MYEF2: variants seen among roughly 807,000 people sequenced by gnomAD.
The protein encoded by MYEF2 is myelin gene expression factor 2.
In MYEF2, 37 loss-of-function variants were observed where a neutral mutation model predicts 75.2. That is an observed-to-expected ratio of 0.49 (90% CI 0.38 to 0.65). The LOEUF (loss-of-function observed/expected upper bound fraction) is 0.65. Among genes scored for constraint, MYEF2 ranks in the 30% least tolerant of loss-of-function variants. The pLI, the probability that MYEF2 is intolerant of heterozygous loss-of-function variation, is 0.00. For synonymous variants in MYEF2, 195 were observed against 241.6 expected, an observed-to-expected ratio of 0.81 and a Z score of 1.79; for missense variants, 634 against 771.4, an observed-to-expected ratio of 0.82 and a Z score of 2.11.
intron 16 of MYEF2, among the ~76,000 whole-genome samples, chr15:48,145,734 G>A (rs983721328): frequency 1.3e-4 from 20 of 151,734 alleles, no homozygotes; most frequent in Admixed American, 9.2e-4. Context: ...ACACAACCAC[G>A]GATGAAAACA....
chr15:48,171,110 G>A (rs888687561), intron 1 of MYEF2, among the ~76,000 whole-genome samples: 1 of 152,204 alleles, frequency 6.6e-6, no homozygotes, highest in Non-Finnish European at 1.5e-5. Flanking sequence ...GCAGCAAGCA[G>A]CCAAAAGGCA....
intron 5 of MYEF2, among the ~76,000 whole-genome samples, chr15:48,165,237 C>A (rs1162398573): frequency 6.6e-6 from 1 of 152,090 alleles, no homozygotes; most frequent in Non-Finnish European, 1.5e-5. Context: ...AGTATATGTA[C>A]ATAACAGGTC....
Position 48,158,820 on chromosome 15 carries a change from C to T in MYEF2, c.820G>A (p.Gly274Arg), listed in dbSNP as rs2039812770. 4 of 1,613,754 alleles carry T rather than the reference C, an allele frequency of 2.5e-6. No homozygotes were observed. The highest frequency in any genetic ancestry group is 2.2e-5 in the South Asian group (2 of 91,068). The change falls in exon 7 of 17, where the codon GGA becomes AGA. Residue 274 changes from glycine to arginine, a missense_variant. Transcript: ENST00000324324. ...TGCTCAAAAGTGACAGTGCCCATTC[C>T]TCTGCTCTTGCCATCTTTGTCTTCT... is the stretch of plus-strand genomic sequence containing the variant. ...IKEDKDGKSR[G>R]MGTVTFEQAI...
chr15:48,143,719 T>C (rs754108401), intron 16 of MYEF2, among the ~76,000 whole-genome samples: 1 of 151,922 alleles, frequency 6.6e-6, no homozygotes, highest in Non-Finnish European at 1.5e-5. Context: ...GTAAAAACAG[T>C]GATGTCAAGG....
chr15:48,147,894 C>T (rs2039349293), intron 16 of MYEF2, among the ~76,000 whole-genome samples: 1 of 151,900 alleles, frequency 6.6e-6, no homozygotes, highest in South Asian at 2.1e-4. Context: ...GAACATCTAC[C>T]CAGAATGCTT....
Position 48,137,501 on chromosome 15 carries a change from G to A in MYEF2, c.*5407C>T, listed in dbSNP as rs2038931516. 6.6e-6 allele frequency: 1 copy of A among 152,128 alleles called. No homozygotes were observed. The highest frequency in any genetic ancestry group is 1.5e-5 in the Non-Finnish European group (1 of 68,022). The allele number at this position is 152,128 out of a possible 1,614,324, so 9.4% of individuals were successfully genotyped here. A position where few individuals can be genotyped will look rare whatever the true frequency, so the allele number is the denominator to read the frequency against. On this transcript the variant is annotated 3_prime_UTR_variant, in exon 17 of 17. Coordinates refer to ENST00000324324, the MANE Select transcript of MYEF2 (RefSeq NM_016132.5). Reference sequence around the variant, plus strand: ...TCTGAGGAGAGAAATTATTAGAACTGTTATCTTAGTAATGTTACCCAAAAT... The same window carrying A: ...TCTGAGGAGAGAAATTATTAGAACTATTATCTTAGTAATGTTACCCAAAAT...
chr15:48,177,978 G>C (rs2040613643), intron 1 of MYEF2, 99 bp downstream of exon 1: 2 of 1,460,678 alleles, frequency 1.4e-6, no homozygotes, highest in Non-Finnish European at 1.8e-6. Context: ...CCGGGGTCTG[G>C]GGGTGGTTGT....
rs1193241338 is a variant in MYEF2 at position 48,137,715 on chromosome 15, C to T, written c.*5193G>A. 1 of 152,002 alleles carries T rather than the reference C, an allele frequency of 6.6e-6. No homozygotes were observed. The highest frequency in any genetic ancestry group is 1.5e-5 in the Non-Finnish European group (1 of 68,010). The allele number at this position is 152,002 out of a possible 1,614,324, so 9.4% of individuals were successfully genotyped here. A position where few individuals can be genotyped will look rare whatever the true frequency, so the allele number is the denominator to read the frequency against. On this transcript the variant is annotated 3_prime_UTR_variant, in exon 17 of 17. Coordinates refer to ENST00000324324, the MANE Select transcript of MYEF2 (RefSeq NM_016132.5). The stretch of plus-strand genomic sequence containing the variant: ...CCAGAAAAAGGAACAAAGACACCTC[C>T]TATGTTTTAATCTTGACTGAGAAAA...
chr15:48,146,847 A>C (rs1348668677), intron 16 of MYEF2, among the ~76,000 whole-genome samples: 1 of 152,060 alleles, frequency 6.6e-6, no homozygotes, highest in African/African-American at 2.4e-5. Context: ...TGGATGGTTC[A>C]GTTCATACTA....
intron 16 of MYEF2, among the ~76,000 whole-genome samples, chr15:48,145,325 T>C (rs2039241162): frequency 6.6e-6 from 1 of 151,854 alleles, no homozygotes; most frequent in Non-Finnish European, 1.5e-5. Flanking sequence ...TTTCTAAAGA[T>C]AAATAATTGA....
At position 48,141,243 on chromosome 15, in the gene MYEF2, G is replaced by A. The variant is rs761577296; in HGVS notation, c.*1665C>T. 1.7e-5 allele frequency: 26 copies of A among 1,515,130 alleles called. No individual in the cohort carries two copies. The highest frequency in any genetic ancestry group is 2.1e-5 in the Non-Finnish European group (23 of 1,090,654). 93.9% of individuals were successfully genotyped at this position (1,515,130 alleles called of 1,614,324 possible). A position where few individuals can be genotyped will look rare whatever the true frequency, so the allele number is the denominator to read the frequency against. On this transcript the variant is annotated 3_prime_UTR_variant, in exon 17 of 17. Transcript: ENST00000324324. ...AGAACTAGGTCCCTCAAGCTGCAAT[G>A]GTCATTCTACAAGGCTAGAATGAGT...
intron 7 of MYEF2, among the ~76,000 whole-genome samples, 192 bp from the exon 8 acceptor site, chr15:48,158,416 T>C (rs1446213015): frequency 6.6e-6 from 1 of 152,194 alleles, no homozygotes; most frequent in Non-Finnish European, 1.5e-5. Context: ...ATTTCATCAA[T>C]AAGATGTATT....
At chr15:48,145,025 GT>G in intron 16 of MYEF2, among the ~76,000 whole-genome samples, 1 of 151,578 alleles carries the variant, frequency 6.6e-6, no homozygotes, top group South Asian at 2.1e-4. Context: ...TCTCTTTTTT[GT>G]TTTTCTCTTA....
chr15:48,135,280 C>T lies in MYEF2; in HGVS notation c.*7628G>A, dbSNP rs992245458. 1 of 238,010 alleles carries T rather than the reference C, an allele frequency of 4.2e-6. No homozygotes were observed. The highest frequency in any genetic ancestry group is 2.3e-5 in the African/African-American group (1 of 44,430). The allele number at this position is 238,010 out of a possible 1,614,324, so 14.7% of individuals were successfully genotyped here. A position where few individuals can be genotyped will look rare whatever the true frequency, so the allele number is the denominator to read the frequency against. On this transcript the variant is annotated 3_prime_UTR_variant, in exon 17 of 17. Coordinates refer to ENST00000324324, the MANE Select transcript of MYEF2 (RefSeq NM_016132.5). ...CAGAAAGTTTCCCAACTCCTGTTGT[C>T]CATTAAAGCCACAACAGTTGACTTT...
At position 48,135,443 on chromosome 15, in the gene MYEF2, T is replaced by C. The variant is rs2038872455; in HGVS notation, c.*7465A>G. 6.5e-6 allele frequency: 1 copy of C among 152,838 alleles called. No individual in the cohort carries two copies. The highest frequency in any genetic ancestry group is 2.0e-4 in the South Asian group (1 of 4,884). The allele number at this position is 152,838 out of a possible 1,614,324, so 9.5% of individuals were successfully genotyped here. On this transcript the variant is annotated 3_prime_UTR_variant, in exon 17 of 17. Transcript: ENST00000324324. ...CTTCTGATGCTCATTCAGGAGAAAC[T>C]ATAGCCTTCCTCTAAGAAATAACAA... is the stretch of plus-strand genomic sequence containing the variant.
intron 9 of MYEF2, among the ~76,000 whole-genome samples, chr15:48,155,896 T>C (rs1597318272): frequency 6.6e-6 from 1 of 151,676 alleles, no homozygotes; most frequent in African/African-American, 2.4e-5. Context: ...TGCCCTAGTC[T>C]CCTGAGTAAC....
intron 11 of MYEF2, 124 bp downstream of exon 11, chr15:48,152,110 A>G: frequency 8.5e-7 from 1 of 1,183,218 alleles, no homozygotes; most frequent in Non-Finnish European, 1.3e-6. Context: ...AATTTCTGCT[A>G]GCAGCCTTTA....
chr15:48,144,601 G>C (rs981596613), intron 16 of MYEF2, among the ~76,000 whole-genome samples: 1 of 151,744 alleles, frequency 6.6e-6, no homozygotes. Flanking sequence ...GGAATGAAAT[G>C]GGGAAAAAAA....
In MYEF2 at chr15:48,137,718, T is replaced by C. The variant is rs1269728558; in HGVS notation, c.*5190A>G. ...GAAAAAGGAACAAAGACACCTCCTA[T>C]GTTTTAATCTTGACTGAGAAAATGG... On this transcript the variant is annotated 3_prime_UTR_variant, in exon 17 of 17. Transcript: ENST00000324324. The C allele has an allele frequency of 6.6e-6, 1 of 152,112 alleles. No homozygotes were observed. Among genetic ancestry groups the C allele is most frequent in the Non-Finnish European group, 1.5e-5 (1 of 68,026 alleles). The allele number at this position is 152,112 out of a possible 1,614,324, so 9.4% of individuals were successfully genotyped here.
Sources: gnomAD v4.1 joint callset for allele counts (sites outside exome capture counted in the v4.1 genomes callset) on GRCh38, gnomAD v4.1.1 for gene constraint, MANE v1.5 for transcripts, NCBI Gene and HGNC (gene_info 2026-07-23, HGNC 2026-07-21) for gene names.